The following RAPGEF5 variants were observed in gnomAD, a reference collection of about 807,000 sequenced individuals.
RAPGEF5 encodes the protein Rap guanine nucleotide exchange factor 5.
In RAPGEF5, 65 loss-of-function variants were observed where a neutral mutation model predicts 125.2. The ratio of observed to expected loss-of-function variants is 0.52; its 90% CI spans 0.43 to 0.64. The LOEUF (loss-of-function observed/expected upper bound fraction) is 0.64. Among genes scored for constraint, RAPGEF5 ranks in the 30% least tolerant of loss-of-function variants. The probability of loss-of-function intolerance (pLI) is 0.00; values close to 1 mark genes in which losing one functional copy is unlikely to be tolerated. For synonymous variants in RAPGEF5, 391 were observed against 385.9 expected (o/e 1.01, Z -0.16); for missense variants, 958 against 1,048.1 (o/e 0.91, Z 1.19).
intron 9 of RAPGEF5, among the ~76,000 whole-genome samples, chr7:22,211,089 T>C (rs1010198857): frequency 1.3e-5 from 2 of 151,958 alleles, no homozygotes; most frequent in South Asian, 4.3e-4. Context: ...TGTTCTGTTA[T>C]GATATTTTCA....
At chr7:22,127,637 C>T (rs1226940643) in intron 24 of RAPGEF5, among the ~76,000 whole-genome samples, 1 of 152,218 alleles carries the variant, frequency 6.6e-6, no homozygotes, top group African/African-American at 2.4e-5. Context: ...ACAATACAAA[C>T]ATCATCCTAT....
At chr7:22,198,600 G>GTAGA (rs1486193477) in intron 9 of RAPGEF5, among the ~76,000 whole-genome samples, 3 of 152,094 alleles carry the variant, frequency 2.0e-5, no homozygotes, top group Admixed American at 6.6e-5. Flanking sequence ...TTCCATAATG[G>GTAGA]TAGAGGTAAT....
intron 24 of RAPGEF5, among the ~76,000 whole-genome samples, chr7:22,128,218 C>A (rs1487346800): frequency 1.3e-5 from 2 of 151,918 alleles, no homozygotes; most frequent in African/African-American, 4.8e-5. Flanking sequence ...CTCTTAACAT[C>A]GAGGGATAAA....
chr7:22,308,805 T>G (rs998909712), intron 4 of RAPGEF5, among the ~76,000 whole-genome samples: 12 of 152,210 alleles, frequency 7.9e-5, no homozygotes, highest in Non-Finnish European at 1.0e-4. Flanking sequence ...GGGAGAAATC[T>G]TTTTTAGTGA....
intron 11 of RAPGEF5, among the ~76,000 whole-genome samples, chr7:22,169,195 C>T (rs556537468): frequency 3.3e-5 from 5 of 152,030 alleles, no homozygotes; most frequent in Non-Finnish European, 5.9e-5. Flanking sequence ...AGCCTGTGTA[C>T]GCAGAAGAGC....
intron 6 of RAPGEF5, among the ~76,000 whole-genome samples, chr7:22,283,162 A>G (rs1373074393): frequency 6.6e-6 from 1 of 152,162 alleles, no homozygotes; most frequent in Non-Finnish European, 1.5e-5. Context: ...AAAATGATAA[A>G]GTCTTTATAT....
intron 7 of RAPGEF5, among the ~76,000 whole-genome samples, chr7:22,231,296 G>A (rs1223974967): frequency 6.6e-6 from 1 of 152,020 alleles, no homozygotes; most frequent in Non-Finnish European, 1.5e-5. Context: ...TTTCTGGCTG[G>A]CAGTTTAAAT....
intron 1 of RAPGEF5, among the ~76,000 whole-genome samples, chr7:22,343,588 A>G (rs1177864410): frequency 1.3e-5 from 2 of 152,202 alleles, no homozygotes; most frequent in East Asian, 1.9e-4. Context: ...AAGAACTAAT[A>G]AACACGCAGA....
At chr7:22,253,570 C>G (rs1010192881) in intron 7 of RAPGEF5, among the ~76,000 whole-genome samples, 7 of 152,118 alleles carry the variant, frequency 4.6e-5, no homozygotes, top group African/African-American at 1.7e-4. Context: ...TATAACGTAG[C>G]ATTTTTTAGC....
intron 1 of RAPGEF5, among the ~76,000 whole-genome samples, chr7:22,344,654 C>T (rs924769766): frequency 6.6e-6 from 1 of 152,204 alleles, no homozygotes; most frequent in Non-Finnish European, 1.5e-5. Flanking sequence ...AAGGCAGCCT[C>T]CACGGTGCAG....
chr7:22,326,696 G>A (rs963019218), intron 1 of RAPGEF5, among the ~76,000 whole-genome samples: 1 of 152,136 alleles, frequency 6.6e-6, no homozygotes, highest in African/African-American at 2.4e-5. Flanking sequence ...ATAAAAGCAA[G>A]AAATGGTAGC....
intron 11 of RAPGEF5, among the ~76,000 whole-genome samples, chr7:22,178,077 G>A (rs1018629607): frequency 1.3e-5 from 2 of 151,744 alleles, no homozygotes; most frequent in Admixed American, 6.6e-5. Context: ...AAATAGATAC[G>A]AGATCAGCCA....
At chr7:22,254,901 G>A (rs1562491021) in intron 7 of RAPGEF5, among the ~76,000 whole-genome samples, 1 of 152,112 alleles carries the variant, frequency 6.6e-6, no homozygotes, top group Non-Finnish European at 1.5e-5. Flanking sequence ...GAACTCAGCG[G>A]GTAATGCTTG....
At chr7:22,143,891 A>G (rs901256164) in intron 20 of RAPGEF5, among the ~76,000 whole-genome samples, 1 of 152,094 alleles carries the variant, frequency 6.6e-6, no homozygotes, top group Non-Finnish European at 1.5e-5. Context: ...GTGTAGACTC[A>G]GTCTGATTTC....
At chr7:22,265,353 C>T (rs1356182133) in intron 7 of RAPGEF5, among the ~76,000 whole-genome samples, 4 of 152,160 alleles carry the variant, frequency 2.6e-5, no homozygotes, top group South Asian at 2.1e-4. Context: ...TGAAAACATG[C>T]AGTATTTGTC....
chr7:22,345,710 T>C (rs1784211001), intron 1 of RAPGEF5, among the ~76,000 whole-genome samples: 1 of 149,158 alleles, frequency 6.7e-6, no homozygotes, highest in Non-Finnish European at 1.5e-5. Flanking sequence ...TTTTTTTTTT[T>C]TTTTTTTTTA....
chr7:22,211,476 A>G lies in RAPGEF5; in HGVS notation c.996+8390T>C, dbSNP rs1172056982. ...TAAAGAAAAATGGTGATATAGCAGTATATTTTAGGGAAAAGGTAATAAATT... is the reference window on the plus strand; with the variant it reads ...TAAAGAAAAATGGTGATATAGCAGTGTATTTTAGGGAAAAGGTAATAAATT... On this transcript the variant is annotated intron_variant, in intron 9 of 25. Coordinates refer to ENST00000665637, the MANE Select transcript of RAPGEF5 (RefSeq NM_012294.5). Among the ~76,000 whole-genome samples the G allele has an allele frequency of 3.9e-5, 6 of 152,252 alleles. 1 individual carries two copies. In the South Asian group the frequency reaches 1.0e-3, roughly 26 times the overall value.
intron 1 of RAPGEF5, among the ~76,000 whole-genome samples, chr7:22,343,468 T>C (rs1000769536): frequency 2.6e-5 from 4 of 152,180 alleles, no homozygotes; most frequent in African/African-American, 9.7e-5. Context: ...CTTTATATAT[T>C]TCATTTATTA....
At chr7:22,221,969 G>A (rs543244231) in intron 8 of RAPGEF5, among the ~76,000 whole-genome samples, 99 of 152,242 alleles carry the variant, frequency 6.5e-4, no homozygotes, top group African/African-American at 2.3e-3. Flanking sequence ...AGTTCTGGCC[G>A]GGTGCAGTGG....
Sources: allele counts gnomAD v4.1 joint callset (sites outside exome capture counted in the v4.1 genomes callset), GRCh38; gene constraint gnomAD v4.1.1; transcripts MANE v1.5; gene names NCBI Gene and HGNC (gene_info 2026-07-23, HGNC 2026-07-21).